Variants in KSR2 observed in about 807,000 individuals in gnomAD.
KSR2 encodes the protein kinase suppressor of ras 2.
Under a neutral mutation model 107.8 loss-of-function variants are expected in KSR2, and 25 were observed. The observed-to-expected ratio is 0.23, with a 90% confidence interval of 0.17 to 0.32. KSR2 has a LOEUF of 0.32. KSR2 is among the 10% of genes least tolerant of loss of function. The pLI is 1.00. For missense variants in KSR2, 887 were observed against 1,268.9 expected (o/e 0.70, Z 4.57); for synonymous variants, 480 against 507.0 (o/e 0.95, Z 0.71).
At chr12:117,642,307 G>A (rs1565940759) in intron 5 of KSR2, among the ~76,000 whole-genome samples, 2 of 152,174 alleles carry the variant, frequency 1.3e-5, no homozygotes, top group Non-Finnish European at 2.9e-5. Flanking sequence ...CCATCACAGC[G>A]GGTGAGCACT....
chr12:117,837,191 C>T (rs2592289), intron 3 of KSR2, among the ~76,000 whole-genome samples: 21,701 of 152,072 alleles, frequency 0.14, 1,796 homozygotes, highest in Admixed American at 0.24. Flanking sequence ...TGGCTTCCAG[C>T]CTGCCTGCCG....
intron 1 of KSR2, among the ~76,000 whole-genome samples, chr12:117,920,545 T>A (rs1895310018): frequency 1.3e-5 from 2 of 152,178 alleles, no homozygotes; most frequent in Non-Finnish European, 2.9e-5. Flanking sequence ...GTTGAGCATT[T>A]ACTATATGTC....
intron 14 of KSR2, among the ~76,000 whole-genome samples, chr12:117,516,128 C>T (rs1231359737): frequency 6.6e-6 from 1 of 152,132 alleles, no homozygotes; most frequent in Non-Finnish European, 1.5e-5. Flanking sequence ...TTCAGGTGGT[C>T]TGGGCTTCAT....
intron 14 of KSR2, among the ~76,000 whole-genome samples, chr12:117,520,019 A>G (rs941580572): frequency 4.6e-5 from 7 of 152,144 alleles, no homozygotes; most frequent in Admixed American, 1.3e-4. Flanking sequence ...ATTGTGATCA[A>G]TTTCTCCAGG....
At chr12:117,755,630 A>T (rs192164613) in intron 4 of KSR2, among the ~76,000 whole-genome samples, 1 of 152,344 alleles carries the variant, frequency 6.6e-6, no homozygotes, top group Admixed American at 6.5e-5. Context: ...ACAATATTGA[A>T]ATTAGCCTGA....
At chr12:117,502,159 G>T (rs1592933172) in intron 14 of KSR2, among the ~76,000 whole-genome samples, 1 of 152,230 alleles carries the variant, frequency 6.6e-6, no homozygotes, top group Non-Finnish European at 1.5e-5. Context: ...GTCTGCGTCT[G>T]TGACTATTTA....
intron 3 of KSR2, among the ~76,000 whole-genome samples, chr12:117,845,942 G>T (rs987695522): frequency 7.3e-5 from 11 of 150,858 alleles, no homozygotes; most frequent in African/African-American, 1.2e-4. Flanking sequence ...CACCCTCCTT[G>T]GCCTCTCAGA....
intron 14 of KSR2, among the ~76,000 whole-genome samples, chr12:117,503,463 C>T (rs1873500874): frequency 2.6e-5 from 4 of 152,262 alleles, no homozygotes; most frequent in Middle Eastern, 3.4e-3. Context: ...AAGTGCATTG[C>T]TCAATCCCCA....
At chr12:117,605,029 G>T (rs1170383062) in intron 5 of KSR2, among the ~76,000 whole-genome samples, 1 of 152,168 alleles carries the variant, frequency 6.6e-6, no homozygotes, top group African/African-American at 2.4e-5. Flanking sequence ...AAAAATATTT[G>T]CAGTCTATAT....
At chr12:117,602,276 T>G (rs1446314487) in intron 5 of KSR2, among the ~76,000 whole-genome samples, 2 of 152,218 alleles carry the variant, frequency 1.3e-5, no homozygotes, top group Non-Finnish European at 2.9e-5. Context: ...AGTGTGTGAT[T>G]CCATTGCCTT....
intron 1 of KSR2, among the ~76,000 whole-genome samples, chr12:117,868,263 A>G (rs894242598): frequency 3.9e-5 from 6 of 152,082 alleles, no homozygotes; most frequent in Non-Finnish European, 2.9e-5. Context: ...CCCTGTCTCT[A>G]CTAAATACAA....
At chr12:117,920,847 C>A (rs1895319170) in intron 1 of KSR2, among the ~76,000 whole-genome samples, 1 of 152,148 alleles carries the variant, frequency 6.6e-6, no homozygotes, top group Non-Finnish European at 1.5e-5. Flanking sequence ...TTGGCACCCA[C>A]CTGGCTTCAA....
chr12:117,615,859 T>C (rs1024899373), intron 5 of KSR2, among the ~76,000 whole-genome samples: 1 of 152,174 alleles, frequency 6.6e-6, no homozygotes, highest in Non-Finnish European at 1.5e-5. Flanking sequence ...TTTAAGATAA[T>C]TTGTTATGCA....
At chr12:117,741,352 A>C (rs1181106121) in intron 4 of KSR2, among the ~76,000 whole-genome samples, 1 of 140,936 alleles carries the variant, frequency 7.1e-6, no homozygotes, top group Non-Finnish European at 1.5e-5. Flanking sequence ...CCCAGTCTGT[A>C]CAAAAAAAAA....
chr12:117,950,497 G>T (rs141309434), intron 1 of KSR2, among the ~76,000 whole-genome samples: 3,342 of 152,074 alleles, frequency 0.022, 129 homozygotes, highest in African/African-American at 0.077. Flanking sequence ...CACTTTGAGA[G>T]GCTGAGGCAG....
rs55997942 is a variant in KSR2, at chr12:117,860,318, G to T, written c.294C>A (p.Ile98=). Residue 98 remains isoleucine, a synonymous_variant, in exon 2 of 20, where the codon ATC becomes ATA. Transcript: ENST00000339824. Reference sequence around the variant, plus strand: ...CCAGGACCTCCTTGCGCACATCGACGATTCGGAACCAGTGCCGTAGCTGGG... The same window carrying T: ...CCAGGACCTCCTTGCGCACATCGACTATTCGGAACCAGTGCCGTAGCTGGG... ...GFPQLRHWFR[I]VDVRKEVLEE... 12 of 1,613,506 alleles carry T rather than the reference G, an allele frequency of 7.4e-6. No individual in the cohort carries two copies. Among genetic ancestry groups the T allele is most frequent in the Non-Finnish European group, 7.6e-6 (9 of 1,179,630 alleles).
intron 1 of KSR2, among the ~76,000 whole-genome samples, chr12:117,949,312 A>C (rs1030003361): frequency 6.6e-6 from 1 of 151,822 alleles, no homozygotes; most frequent in African/African-American, 2.4e-5. Flanking sequence ...AAGAGGAAAA[A>C]AAAAAAGAAA....
intron 14 of KSR2, among the ~76,000 whole-genome samples, chr12:117,492,023 A>G (rs562985972): frequency 1.7e-4 from 26 of 152,306 alleles, no homozygotes; most frequent in African/African-American, 5.5e-4. Flanking sequence ...TCTAGTGCAC[A>G]TGCACACATG....
intron 5 of KSR2, among the ~76,000 whole-genome samples, chr12:117,633,043 G>A (rs1390177742): frequency 6.6e-6 from 1 of 152,164 alleles, no homozygotes; most frequent in Admixed American, 6.5e-5. Context: ...ATTATTCCAA[G>A]GGGGAATAAA....
Sources: allele counts gnomAD v4.1 joint callset (sites outside exome capture counted in the v4.1 genomes callset), GRCh38; gene constraint gnomAD v4.1.1; transcripts MANE v1.5; gene names NCBI Gene and HGNC (gene_info 2026-07-23, HGNC 2026-07-21).